The following ARID3B variants were observed in gnomAD, a reference collection of about 807,000 sequenced individuals.
ARID3B encodes AT-rich interactive domain-containing protein 3B.
Under a neutral mutation model 51.9 loss-of-function variants are expected in ARID3B, and 10 were observed. The ratio of observed to expected loss-of-function variants is 0.19; its 90% CI spans 0.12 to 0.33. The LOEUF (loss-of-function observed/expected upper bound fraction) is 0.33. Among genes scored for constraint, ARID3B ranks in the 10% least tolerant of loss-of-function variants. The pLI is 1.00. For synonymous variants in ARID3B, 205 were observed against 279.5 expected (o/e 0.73, Z 2.66); for missense variants, 483 against 716.3 (o/e 0.67, Z 3.72).
At chr15:74,552,297 G>C (rs1449721265) in intron 2 of ARID3B, among the ~76,000 whole-genome samples, 1 of 120,344 alleles carries the variant, frequency 8.3e-6, no homozygotes, top group African/African-American at 3.3e-5. Context: ...TCCTGACCTC[G>C]TGATCCACCC....
At chr15:74,545,714 T>C (rs914557828) in intron 2 of ARID3B, among the ~76,000 whole-genome samples, 5 of 152,172 alleles carry the variant, frequency 3.3e-5, no homozygotes, top group Admixed American at 3.3e-4. Context: ...TGAGAAGTCA[T>C]ATAAGAAAGG....
Position 74,594,046 on chromosome 15 carries a change from TA to T in ARID3B, c.1519+824del, listed in dbSNP as rs550899025. On this transcript the variant is annotated intron_variant, in intron 8 of 8. Coordinates refer to ENST00000346246, the MANE Select transcript of ARID3B (RefSeq NM_006465.4). ...TGACAAAGCAAGACCTTGTCTCAAT[TA>T]AAAAAAAAAAAAACAAAACTTAATA... Among the ~76,000 whole-genome samples the T allele has an allele frequency of 6.6e-3, 904 of 136,514 alleles. 2 individuals are homozygous for T. Among genetic ancestry groups the T allele is most frequent in the African/African-American group, 0.018 (668 of 37,276 alleles). The allele number at this position is 136,514 out of a possible 152,430, so 89.6% of individuals were successfully genotyped here.
intron 4 of ARID3B, among the ~76,000 whole-genome samples, chr15:74,584,067 G>A (rs1159801417): frequency 6.6e-6 from 1 of 152,094 alleles, no homozygotes; most frequent in African/African-American, 2.4e-5. Flanking sequence ...AGAGGTTCAG[G>A]TGGTACATGT....
chr15:74,594,914 AAGC>A (rs2141483396), intron 8 of ARID3B, among the ~76,000 whole-genome samples: 2 of 152,314 alleles, frequency 1.3e-5, no homozygotes, highest in South Asian at 4.1e-4. Flanking sequence ...TCCATGGAGA[AAGC>A]AGGGAAGTAG....
At chr15:74,553,325 T>A (rs2061644786) in intron 2 of ARID3B, among the ~76,000 whole-genome samples, 1 of 152,358 alleles carries the variant, frequency 6.6e-6, no homozygotes, top group Non-Finnish European at 1.5e-5. Context: ...TACTCATTTG[T>A]GTGTGTTCTG....
chr15:74,593,766 C>T (rs961135194), intron 8 of ARID3B, among the ~76,000 whole-genome samples: 2 of 152,168 alleles, frequency 1.3e-5, no homozygotes, highest in Non-Finnish European at 2.9e-5. Flanking sequence ...CATGACTGGG[C>T]ACGGTGGCTG....
In ARID3B at chr15:74,569,239, C is replaced by T. The variant is rs550420434; in HGVS notation, c.553-3623C>T. Among the ~76,000 whole-genome samples the T allele has an allele frequency of 1.6e-4, 24 of 152,232 alleles. No individual in the cohort carries two copies. The East Asian group carries it at 4.2e-3, about 27-fold the overall frequency. On this transcript the variant is annotated intron_variant, in intron 2 of 8. Coordinates refer to ENST00000346246, the MANE Select transcript of ARID3B (RefSeq NM_006465.4). ...ATAACTGGTTAAGCCTGTAACCCAC[C>T]CAATGAAAGGGGGAGGGGAAGACGG...
chr15:74,589,021 CTTTTTTTTTTTTTTT>C (rs900091332), intron 4 of ARID3B, among the ~76,000 whole-genome samples: 1 of 87,810 alleles, frequency 1.1e-5, no homozygotes, highest in Non-Finnish European at 2.0e-5. Flanking sequence ...CAAGCACACT[CTTTTTTTTTTTTTTT>C]TTTTTTTTTT....
intron 2 of ARID3B, among the ~76,000 whole-genome samples, chr15:74,559,645 C>T (rs1470374019): frequency 6.6e-6 from 1 of 152,146 alleles, no homozygotes; most frequent in African/African-American, 2.4e-5. Flanking sequence ...TCCATATTCC[C>T]TCTTGCTCCC....
At chr15:74,593,273 CGCAGCTAGCCACAGGGCAGCTCT>C in intron 8 of ARID3B, 37 bp downstream of exon 8, 21 of 1,582,568 alleles carry the variant, frequency 1.3e-5, no homozygotes, top group African/African-American at 8.1e-5. Flanking sequence ...CCCACGTGGC[CGCAGCTAGCCACAGGGCAGCTCT>C]GCGGCTGGCC....
chr15:74,591,828 A>G lies in ARID3B; in HGVS notation c.1420+14A>G, dbSNP rs772039119. The G allele has an allele frequency of 1.2e-6, 2 of 1,607,860 alleles. No homozygotes were observed. The highest frequency in any genetic ancestry group is 2.2e-5 in the South Asian group (2 of 90,790). On this transcript the variant is annotated intron_variant, in intron 7 of 8. Coordinates refer to ENST00000346246, the MANE Select transcript of ARID3B (RefSeq NM_006465.4). This position sits in a 1 kb window ranked among gnomAD's most constrained non-coding sequence, Gnocchi z 5.8. ...TCAACGGCAGGGGTGAGCCAGGCTC[A>G]GGGCCGGGCCTTCCCTTCCTGGAAA...
chr15:74,585,102 A>G (rs1422408176), intron 4 of ARID3B, among the ~76,000 whole-genome samples: 1 of 152,190 alleles, frequency 6.6e-6, no homozygotes, highest in Non-Finnish European at 1.5e-5. Context: ...GCAGTGACTG[A>G]CAGTCCACAG....
chr15:74,585,859 G>C (rs961278610), intron 4 of ARID3B, among the ~76,000 whole-genome samples: 1 of 152,226 alleles, frequency 6.6e-6, no homozygotes, highest in African/African-American at 2.4e-5. Flanking sequence ...TCAGTTGTTA[G>C]AAGAATCAAA....
intron 2 of ARID3B, among the ~76,000 whole-genome samples, chr15:74,552,629 C>T (rs2061642323): frequency 6.6e-6 from 1 of 151,906 alleles, no homozygotes; most frequent in Non-Finnish European, 1.5e-5. Context: ...CCTGGCAGCC[C>T]CTGATTCTTT....
At chr15:74,555,875 T>G (rs1032292307) in intron 2 of ARID3B, among the ~76,000 whole-genome samples, 5 of 139,280 alleles carry the variant, frequency 3.6e-5, no homozygotes, top group Admixed American at 1.6e-4. Flanking sequence ...CACTGCAAGC[T>G]CCGCCTCCCA....
chr15:74,588,134 T>G (rs2061787822), intron 4 of ARID3B, among the ~76,000 whole-genome samples: 1 of 151,918 alleles, frequency 6.6e-6, no homozygotes. Flanking sequence ...TCCCAGCTAC[T>G]TAAGAGGCTG....
chr15:74,547,474 C>T (rs1305940540), intron 2 of ARID3B, among the ~76,000 whole-genome samples: 2 of 151,962 alleles, frequency 1.3e-5, no homozygotes, highest in East Asian at 1.9e-4. Context: ...TGAGCCACCG[C>T]GCCTACCCTG....
chr15:74,593,337 C>T, intron 8 of ARID3B, 101 bp downstream of exon 8: 2 of 1,048,088 alleles, frequency 1.9e-6, no homozygotes, highest in Non-Finnish European at 2.8e-6. Flanking sequence ...GAACACCTCC[C>T]ACAGTGGCTT....
At position 74,544,163 on chromosome 15, in the gene ARID3B, C is replaced by T; in HGVS notation, c.227C>T (p.Ala76Val). 4 of 1,613,830 alleles carry T rather than the reference C, an allele frequency of 2.5e-6. No homozygotes were observed. Among genetic ancestry groups the T allele is most frequent in the Non-Finnish European group, 3.4e-6 (4 of 1,179,794 alleles). The change falls in exon 2 of 9, where the codon GCA becomes GTA. Residue 76 changes from alanine to valine, a missense_variant. This residue lies in a region of ARID3B where 182 missense variants were observed against 244.5 expected (regional missense o/e 0.74). Coordinates refer to ENST00000346246, the MANE Select transcript of ARID3B (RefSeq NM_006465.4). Reference sequence around the variant, plus strand: ...CCCTTAGCCAGAGTTCCACCCACCGCAGCAGTGGCCCAAGTGTTTGAACGG... The same window carrying T: ...CCCTTAGCCAGAGTTCCACCCACCGTAGCAGTGGCCCAAGTGTTTGAACGG... ...LGPLARVPPTAAVAQVFERGN... is the reference protein window; with the variant it reads ...LGPLARVPPTVAVAQVFERGN...
Sources: allele counts gnomAD v4.1 joint callset (sites outside exome capture counted in the v4.1 genomes callset), GRCh38; gene constraint gnomAD v4.1.1; regional missense constraint gnomAD v4.1.1; non-coding constraint Gnocchi (gnomAD v3.1); transcripts MANE v1.5; gene names NCBI Gene and HGNC (gene_info 2026-07-23, HGNC 2026-07-21).